PLCB1: variants seen among roughly 807,000 people sequenced by gnomAD.
PLCB1 encodes the protein 1-phosphatidylinositol 4,5-bisphosphate phosphodiesterase beta-1.
A neutral mutation model predicts 161.8 loss-of-function variants in PLCB1; 46 were observed. The ratio of observed to expected loss-of-function variants is 0.28; its 90% CI spans 0.22 to 0.36. The LOEUF (loss-of-function observed/expected upper bound fraction) is 0.36. PLCB1 is among the 10% of genes least tolerant of loss of function. The pLI is 1.00. For synonymous variants in PLCB1, 517 were observed against 503.7 expected (o/e 1.03, Z -0.35); for missense variants, 1,016 against 1,472.5 (o/e 0.69, Z 5.07).
intron 31 of PLCB1, among the ~76,000 whole-genome samples, chr20:8,836,777 A>G (rs576099595): frequency 3.3e-5 from 5 of 152,316 alleles, no homozygotes; most frequent in Admixed American, 2.6e-4. Context: ...ATTGGCTTCT[A>G]TTGTCATCGA....
intron 31 of PLCB1, among the ~76,000 whole-genome samples, chr20:8,816,401 A>G (rs1459104014): frequency 2.0e-5 from 3 of 152,182 alleles, no homozygotes; most frequent in African/African-American, 4.8e-5. Flanking sequence ...AAAAACTACC[A>G]CTCACAAATT....
At chr20:8,362,121 GAT>G (rs1255480941) in intron 2 of PLCB1, among the ~76,000 whole-genome samples, 57 of 152,130 alleles carry the variant, frequency 3.7e-4, no homozygotes, top group African/African-American at 1.4e-3. Flanking sequence ...CATCCATAAA[GAT>G]GTGGAGAATT....
At chr20:8,482,604 G>A (rs530196813) in intron 3 of PLCB1, among the ~76,000 whole-genome samples, 1 of 152,120 alleles carries the variant, frequency 6.6e-6, no homozygotes, top group East Asian at 1.9e-4. Context: ...TAATTTTCCA[G>A]TGAATGCCAA....
chr20:8,663,596 TATAA>T (rs984623759), intron 9 of PLCB1, among the ~76,000 whole-genome samples: 9 of 152,144 alleles, frequency 5.9e-5, no homozygotes, highest in Admixed American at 1.3e-4. Context: ...GTATATTGGT[TATAA>T]ATAATCAGAG....
At chr20:8,213,694 T>G (rs918513058) in intron 2 of PLCB1, among the ~76,000 whole-genome samples, 11 of 151,060 alleles carry the variant, frequency 7.3e-5, no homozygotes. Flanking sequence ...GTGGTGGTGG[T>G]GTGTGTGTGT....
chr20:8,363,313 T>C (rs748030721), intron 2 of PLCB1, among the ~76,000 whole-genome samples: 4 of 152,264 alleles, frequency 2.6e-5, no homozygotes, highest in Non-Finnish European at 5.9e-5. Flanking sequence ...TCCTGGGCTG[T>C]GTTCTCATCT....
intron 3 of PLCB1, among the ~76,000 whole-genome samples, chr20:8,623,103 G>A (rs1465929343): frequency 2.0e-5 from 3 of 151,774 alleles, no homozygotes; most frequent in African/African-American, 4.8e-5. Context: ...TCTCGAAACT[G>A]CATTAAACCA....
At chr20:8,809,324 A>T (rs888352587) in intron 31 of PLCB1, among the ~76,000 whole-genome samples, 15 of 152,066 alleles carry the variant, frequency 9.9e-5, no homozygotes, top group African/African-American at 3.6e-4. Flanking sequence ...CAAATAATTT[A>T]ATACCTCTCA....
chr20:8,646,903 A>G (rs6086547), intron 5 of PLCB1, among the ~76,000 whole-genome samples: 38,538 of 152,088 alleles, frequency 0.25, 5,226 homozygotes, highest in Admixed American at 0.33. Context: ...AACCACAAGT[A>G]GAAACATTAA....
At chr20:8,190,344 T>C (rs1343964723) in intron 2 of PLCB1, among the ~76,000 whole-genome samples, 2 of 152,278 alleles carry the variant, frequency 1.3e-5, no homozygotes, top group Non-Finnish European at 2.9e-5. Flanking sequence ...TGAAAGTATT[T>C]AGAGTTATTT....
At chr20:8,601,449 C>T (rs1987583922) in intron 3 of PLCB1, among the ~76,000 whole-genome samples, 1 of 152,144 alleles carries the variant, frequency 6.6e-6, no homozygotes. Context: ...ATTTAGCTCC[C>T]ACTTATAAGT....
chr20:8,191,717 T>A (rs1192024522), intron 2 of PLCB1, among the ~76,000 whole-genome samples: 5 of 152,036 alleles, frequency 3.3e-5, no homozygotes, highest in African/African-American at 4.8e-5. Context: ...CTTAATTATT[T>A]AAGTCATGTA....
chr20:8,569,996 C>G (rs1002703218), intron 3 of PLCB1, among the ~76,000 whole-genome samples: 1 of 152,162 alleles, frequency 6.6e-6, no homozygotes, highest in African/African-American at 2.4e-5. Context: ...AACCAGCCAG[C>G]AGCTCAACCA....
At chr20:8,854,825 TG>T (rs1388669586) in intron 31 of PLCB1, among the ~76,000 whole-genome samples, 1 of 152,250 alleles carries the variant, frequency 6.6e-6, no homozygotes, top group Non-Finnish European at 1.5e-5. Flanking sequence ...GTTCTTGCTC[TG>T]AAGGGCTAAG....
chr20:8,261,000 C>G (rs1198585375), intron 2 of PLCB1, among the ~76,000 whole-genome samples: 1 of 152,150 alleles, frequency 6.6e-6, no homozygotes, highest in Non-Finnish European at 1.5e-5. Context: ...GCTGCCTTGC[C>G]TCAAGACCTC....
At chr20:8,843,223 C>A (rs1009183867) in intron 31 of PLCB1, among the ~76,000 whole-genome samples, 1 of 152,088 alleles carries the variant, frequency 6.6e-6, no homozygotes, top group African/African-American at 2.4e-5. Context: ...AGCATGGCAA[C>A]CTTTCACCCA....
chr20:8,346,051 T>A (rs1175390248), intron 2 of PLCB1, among the ~76,000 whole-genome samples: 1 of 152,166 alleles, frequency 6.6e-6, no homozygotes, highest in East Asian at 1.9e-4. Flanking sequence ...AAGGTAAAAA[T>A]TATAAGAGAA....
At chr20:8,157,759 A>G (rs1361598202) in intron 2 of PLCB1, among the ~76,000 whole-genome samples, 1 of 152,224 alleles carries the variant, frequency 6.6e-6, no homozygotes, top group Non-Finnish European at 1.5e-5. Context: ...CTTTTAAAGT[A>G]TATTTTAAAA....
At chr20:8,342,942 A>G (rs1305838075) in intron 2 of PLCB1, among the ~76,000 whole-genome samples, 1 of 152,182 alleles carries the variant, frequency 6.6e-6, no homozygotes, top group Non-Finnish European at 1.5e-5. Context: ...CAACAGTCCA[A>G]TAAATCCCAT....
Sources: gnomAD v4.1 joint callset for allele counts (sites outside exome capture counted in the v4.1 genomes callset) on GRCh38, gnomAD v4.1.1 for gene constraint, MANE v1.5 for transcripts, NCBI Gene and HGNC (gene_info 2026-07-23, HGNC 2026-07-21) for gene names.